LIN28B: variants seen among roughly 807,000 people sequenced by gnomAD.
LIN28B encodes the protein lin-28 RNA binding posttranscriptional regulator B, also known as protein lin-28 homolog B.
In LIN28B, 5 loss-of-function variants were observed where a neutral mutation model predicts 21.9. The observed-to-expected ratio is 0.23, with a 90% CI of 0.12 to 0.48. The LOEUF is 0.48. Ranked by LOEUF, LIN28B falls within the 20% of genes least tolerant of loss-of-function variation. The pLI, the probability that LIN28B is intolerant of heterozygous loss-of-function variation, is 0.98. For synonymous variants in LIN28B, 109 were observed against 111.3 expected (o/e 0.98, Z 0.13); for missense variants, 245 against 310.5 (o/e 0.79, Z 1.58).
chr6:104,958,440 G>A (rs1769632156), intron 2 of LIN28B, among the ~76,000 whole-genome samples, 154 bp downstream of exon 2: 1 of 152,140 alleles, frequency 6.6e-6, no homozygotes, highest in Non-Finnish European at 1.5e-5. Flanking sequence ...TTTAGGGTAC[G>A]TGTATGGGCC....
chr6:105,039,565 A>G (rs1771590784), intron 3 of LIN28B, among the ~76,000 whole-genome samples: 1 of 152,084 alleles, frequency 6.6e-6, no homozygotes, highest in Non-Finnish European at 1.5e-5. Flanking sequence ...GGATACTTAC[A>G]TGTGTGGCAA....
At chr6:104,939,401 C>A (rs1305805421) in intron 2 of LIN28B, 1 of 152,208 alleles carries the variant, frequency 6.6e-6, no homozygotes, top group Non-Finnish European at 1.5e-5. Context: ...AGCAGCCATC[C>A]AGGGAATTTG....
upstream of LIN28B, among the ~76,000 whole-genome samples, chr6:104,953,237 G>A (rs1778242108): frequency 6.6e-6 from 1 of 152,142 alleles, no homozygotes; most frequent in South Asian, 2.1e-4. Flanking sequence ...GGCCCAGGGC[G>A]ACGTTTGCCA....
chr6:104,957,285 A>C lies in LIN28B; in HGVS notation c.10+25A>C, dbSNP rs746531945. On this transcript the variant is annotated intron_variant, in intron 1 of 3. Transcript: ENST00000345080. ...GGTTAATTTTCTTTTCTATTGTTTT[A>C]CTGTGAATTTCTTTCTTCTTTTCTC... 7 of 1,550,406 alleles carry C rather than the reference A, an allele frequency of 4.5e-6. No individual in the cohort carries two copies. The Admixed American group carries it at 1.2e-4, about 26-fold the overall frequency.
At chr6:105,049,739 C>G (rs1771854492) in intron 3 of LIN28B, among the ~76,000 whole-genome samples, 1 of 151,000 alleles carries the variant, frequency 6.6e-6, no homozygotes. Context: ...TTGAATTGAT[C>G]CCTTTACCAT....
rs568554956 is a variant in LIN28B at position 105,082,641 on chromosome 6, A to C, written c.*3858A>C. ...GAAGAACATCTTGTTAAAAGCATCA[A>C]ACTCTGTCTTACATAGCTGTCAACA... is the stretch of plus-strand genomic sequence containing the variant. On this transcript the variant is annotated 3_prime_UTR_variant, in exon 4 of 4. Coordinates refer to ENST00000345080, the MANE Select transcript of LIN28B (RefSeq NM_001004317.4). The C allele has an allele frequency of 6.5e-6, 1 of 152,812 alleles. No homozygotes were observed. Among genetic ancestry groups the C allele is most frequent in the South Asian group, 2.1e-4 (1 of 4,834 alleles). 9.5% of individuals were successfully genotyped at this position (152,812 alleles called of 1,614,324 possible).
chr6:104,983,514 C>G (rs1582878024), intron 2 of LIN28B, among the ~76,000 whole-genome samples: 1 of 152,330 alleles, frequency 6.6e-6, no homozygotes, highest in East Asian at 1.9e-4. Flanking sequence ...AGATTATTAT[C>G]AGTTTTACTG....
At chr6:104,991,039 C>T (rs1225358141) in intron 2 of LIN28B, among the ~76,000 whole-genome samples, 1 of 152,242 alleles carries the variant, frequency 6.6e-6, no homozygotes, top group Admixed American at 6.5e-5. Context: ...ACAAAACTGC[C>T]ATCGTCATCA....
chr6:104,948,463 G>A (rs950202691), intron 2 of LIN28B, among the ~76,000 whole-genome samples: 4 of 151,916 alleles, frequency 2.6e-5, no homozygotes, highest in Non-Finnish European at 2.9e-5. Flanking sequence ...GCAAAACTCC[G>A]TCTAAAAAAA....
At chr6:105,074,025 TATGTTTTG>T (rs1772378743) in intron 3 of LIN28B, among the ~76,000 whole-genome samples, 1 of 152,200 alleles carries the variant, frequency 6.6e-6, no homozygotes, top group Non-Finnish European at 1.5e-5. Context: ...GAAATTTGGG[TATGTTTTG>T]ATTAACTTAT....
chr6:105,065,538 C>T (rs940459697), intron 3 of LIN28B, among the ~76,000 whole-genome samples: 1 of 152,236 alleles, frequency 6.6e-6, no homozygotes, highest in Non-Finnish European at 1.5e-5. Context: ...TCATTTACTT[C>T]TCATTTATAC....
intron 3 of LIN28B, among the ~76,000 whole-genome samples, chr6:105,065,047 C>T (rs975954541): frequency 2.6e-5 from 4 of 152,104 alleles, no homozygotes; most frequent in African/African-American, 7.2e-5. Context: ...TGGGGATTCT[C>T]CAGGGATTCA....
intron 2 of LIN28B, among the ~76,000 whole-genome samples, chr6:105,001,782 A>G (rs1311774570): frequency 6.6e-6 from 1 of 152,240 alleles, no homozygotes; most frequent in Middle Eastern, 3.2e-3. Flanking sequence ...TGATATCCCT[A>G]AGAATAAAAT....
At chr6:105,057,725 A>G (rs1772048089) in intron 3 of LIN28B, among the ~76,000 whole-genome samples, 1 of 151,498 alleles carries the variant, frequency 6.6e-6, no homozygotes, top group Admixed American at 6.6e-5. Context: ...TTAGTTTACT[A>G]TAAATTACTT....
chr6:105,022,702 G>A (rs1582901073), intron 2 of LIN28B, among the ~76,000 whole-genome samples: 1 of 152,122 alleles, frequency 6.6e-6, no homozygotes, highest in Non-Finnish European at 1.5e-5. Flanking sequence ...GGCTGGCTTT[G>A]GGGAAAAGGG....
intron 2 of LIN28B, among the ~76,000 whole-genome samples, chr6:104,969,888 A>G (rs1769938615): frequency 6.6e-6 from 1 of 152,218 alleles, no homozygotes; most frequent in Admixed American, 6.5e-5. Context: ...TGCAAAGACT[A>G]CATCTAGACC....
intron 3 of LIN28B, among the ~76,000 whole-genome samples, chr6:105,045,835 A>C (rs1771748890): frequency 6.6e-6 from 1 of 152,172 alleles, no homozygotes; most frequent in Non-Finnish European, 1.5e-5. Context: ...ACCTTGCCAG[A>C]ACTCAGAACT....
chr6:105,007,997 A>G (rs925073504), intron 2 of LIN28B, among the ~76,000 whole-genome samples: 1 of 152,186 alleles, frequency 6.6e-6, no homozygotes, highest in Non-Finnish European at 1.5e-5. Context: ...CACCTCAAGT[A>G]TGTTAGTGCC....
Position 104,996,700 on chromosome 6 carries a change from A to G in LIN28B, c.199-29598A>G, listed in dbSNP as rs188227466. On this transcript the variant is annotated intron_variant, in intron 2 of 3. Transcript: ENST00000345080. The stretch of plus-strand genomic sequence containing the variant: ...ATAAACTTTGGAATATCCTTCATGT[A>G]GATTCCTTAACCAGGTTGTGGTATG... Among the ~76,000 whole-genome samples the G allele has an allele frequency of 3.2e-3, 481 of 152,346 alleles. 3 individuals carry two copies. Among genetic ancestry groups the G allele is most frequent in the South Asian group, 0.023 (110 of 4,824 alleles).
Sources: gnomAD v4.1 joint callset for allele counts (sites outside exome capture counted in the v4.1 genomes callset) on GRCh38, gnomAD v4.1.1 for gene constraint, MANE v1.5 for transcripts, NCBI Gene and HGNC (gene_info 2026-07-23, HGNC 2026-07-21) for gene names.